Variants in CPQ observed in about 807,000 individuals in gnomAD.
The protein encoded by CPQ is carboxypeptidase Q.
In CPQ, 37 loss-of-function variants were observed where a neutral mutation model predicts 45.7. The observed-to-expected ratio is 0.81, with a 90% CI of 0.62 to 1.07. The LOEUF is 1.07. Ranked by LOEUF, CPQ falls within the 50% of genes least tolerant of loss-of-function variation. The pLI is 0.00. For missense variants in CPQ, 537 were observed against 572.9 expected (o/e 0.94, Z 0.64); for synonymous variants, 186 against 205.8 (o/e 0.90, Z 0.82).
chr8:96,926,576 C>CTCTTCTCCTTCTTCTTCTTCT (rs1812883663), intron 4 of CPQ, among the ~76,000 whole-genome samples: 1 of 74,976 alleles, frequency 1.3e-5, no homozygotes, highest in Non-Finnish European at 2.4e-5. Flanking sequence ...CTTCCTCTTC[C>CTCTTCTCCTTCTTCTTCTTCT]TCTTCTTCTT....
intron 3 of CPQ, among the ~76,000 whole-genome samples, chr8:96,859,608 T>C (rs1246767535): frequency 6.6e-6 from 1 of 152,220 alleles, no homozygotes; most frequent in African/African-American, 2.4e-5. Context: ...GTTAGAACTT[T>C]TGGCTTCATT....
intron 2 of CPQ, among the ~76,000 whole-genome samples, chr8:96,809,264 A>G (rs1019289111): frequency 6.6e-6 from 1 of 152,160 alleles, no homozygotes; most frequent in Admixed American, 6.5e-5. Flanking sequence ...TGAAAACACA[A>G]TTCTACTCAA....
chr8:96,657,747 A>G (rs1257054438), intron 1 of CPQ, among the ~76,000 whole-genome samples: 2 of 152,150 alleles, frequency 1.3e-5, no homozygotes, highest in Non-Finnish European at 2.9e-5. Flanking sequence ...AGTCCTTCTT[A>G]CTCTTACTGG....
chr8:96,659,811 A>G (rs1815678650), intron 1 of CPQ, among the ~76,000 whole-genome samples: 1 of 152,202 alleles, frequency 6.6e-6, no homozygotes, highest in African/African-American at 2.4e-5. Context: ...GTAAGTCGCC[A>G]AGGGCTGTTG....
intron 4 of CPQ, among the ~76,000 whole-genome samples, chr8:96,928,038 AT>A (rs1482394336): frequency 6.6e-6 from 1 of 152,210 alleles, no homozygotes; most frequent in East Asian, 1.9e-4. Flanking sequence ...CACTGAAAAT[AT>A]GCAGGGCCAG....
intron 4 of CPQ, among the ~76,000 whole-genome samples, chr8:96,892,914 TTAA>T (rs1296093721): frequency 6.6e-6 from 1 of 152,160 alleles, no homozygotes; most frequent in East Asian, 1.9e-4. Context: ...ATGGAGCCAT[TTAA>T]TAATAATCAT....
At chr8:96,746,147 G>A (rs936568760) in intron 1 of CPQ, among the ~76,000 whole-genome samples, 5 of 152,132 alleles carry the variant, frequency 3.3e-5, no homozygotes, top group African/African-American at 1.2e-4. Flanking sequence ...ATGACTTGAT[G>A]AAAGTCTATT....
chr8:96,652,224 T>C (rs1202545445), intron 1 of CPQ, among the ~76,000 whole-genome samples: 1 of 152,230 alleles, frequency 6.6e-6, no homozygotes, highest in African/African-American at 2.4e-5. Context: ...GTGGTATTTG[T>C]CTTTCTGTGC....
chr8:96,825,488 G>A (rs1811368082), intron 2 of CPQ, among the ~76,000 whole-genome samples: 1 of 151,886 alleles, frequency 6.6e-6, no homozygotes, highest in South Asian at 2.1e-4. Flanking sequence ...TATAAAATGT[G>A]GCTAATGCCC....
chr8:96,943,993 C>A (rs2130327039), intron 4 of CPQ, among the ~76,000 whole-genome samples: 1 of 152,272 alleles, frequency 6.6e-6, no homozygotes, highest in South Asian at 2.1e-4. Context: ...CATAATATGT[C>A]TCTGGCATGG....
intron 7 of CPQ, among the ~76,000 whole-genome samples, chr8:97,130,347 A>T (rs1811928416): frequency 6.6e-6 from 1 of 151,144 alleles, no homozygotes; most frequent in South Asian, 2.1e-4. Flanking sequence ...CTGGAGTTTG[A>T]GTATAAATGA....
chr8:96,794,425 C>T (rs962426392), intron 2 of CPQ, among the ~76,000 whole-genome samples: 2 of 152,180 alleles, frequency 1.3e-5, no homozygotes, highest in Non-Finnish European at 2.9e-5. Flanking sequence ...CTAGATGGCA[C>T]ACAGTATGAG....
chr8:96,741,414 T>G (rs1273583086), intron 1 of CPQ, among the ~76,000 whole-genome samples: 1 of 152,208 alleles, frequency 6.6e-6, no homozygotes, highest in Non-Finnish European at 1.5e-5. Context: ...GTTGATCCTT[T>G]CAAAAAACTA....
At chr8:97,031,043 C>CAT (rs1809893184) in intron 6 of CPQ, among the ~76,000 whole-genome samples, 1 of 151,932 alleles carries the variant, frequency 6.6e-6, no homozygotes, top group Admixed American at 6.6e-5. Flanking sequence ...TAAACAAGAG[C>CAT]CTGAACAAGA....
intron 4 of CPQ, among the ~76,000 whole-genome samples, chr8:96,926,570 CTCTTCCTCTTCT>C (rs1275735955): frequency 1.7e-3 from 78 of 46,676 alleles, no homozygotes; most frequent in Admixed American, 4.5e-3. Flanking sequence ...CTTCCTCTTC[CTCTTCCTCTTCT>C]TCTTCTTCTT....
intron 7 of CPQ, among the ~76,000 whole-genome samples, chr8:97,101,053 C>T (rs1414993349): frequency 6.6e-6 from 1 of 152,132 alleles, no homozygotes; most frequent in Non-Finnish European, 1.5e-5. Flanking sequence ...TAGAATAATA[C>T]TCAACCACGT....
At chr8:96,993,269 T>C (rs758513466) in intron 5 of CPQ, among the ~76,000 whole-genome samples, 1 of 152,230 alleles carries the variant, frequency 6.6e-6, no homozygotes, top group African/African-American at 2.4e-5. Context: ...GAATAAGAGC[T>C]GAACAGAAGC....
At chr8:96,971,529 A>G (rs1248316310) in intron 5 of CPQ, among the ~76,000 whole-genome samples, 2 of 152,136 alleles carry the variant, frequency 1.3e-5, no homozygotes, top group Non-Finnish European at 2.9e-5. Flanking sequence ...AACTCTCCCT[A>G]TTGCCATGTT....
chr8:96,724,525 A>ACACACACACACC (rs1040690569), intron 1 of CPQ, among the ~76,000 whole-genome samples: 1 of 142,682 alleles, frequency 7.0e-6, no homozygotes, highest in African/African-American at 2.6e-5. Context: ...ACACACACAC[A>ACACACACACACC]CCCCTAGGAA....
Sources: allele counts gnomAD v4.1 joint callset (sites outside exome capture counted in the v4.1 genomes callset), GRCh38; gene constraint gnomAD v4.1.1; transcripts MANE v1.5; gene names NCBI Gene and HGNC (gene_info 2026-07-23, HGNC 2026-07-21).